Variants in LRCH1 observed in about 807,000 individuals in gnomAD.
The protein encoded by LRCH1 is leucine-rich repeat and calponin homology domain-containing protein 1.
LRCH1 carries 23 observed loss-of-function variants against 94.9 expected under a neutral mutation model. The observed-to-expected ratio is 0.24, with a 90% CI of 0.17 to 0.34. The LOEUF is 0.34. LRCH1 is among the 10% of genes least tolerant of loss of function. The pLI is 1.00. For missense variants in LRCH1, 790 were observed against 945.9 expected (o/e 0.84, Z 2.16); for synonymous variants, 364 against 354.9 (o/e 1.03, Z -0.29).
chr13:46,651,448 G>C (rs2051297110), intron 2 of LRCH1, among the ~76,000 whole-genome samples: 1 of 152,040 alleles, frequency 6.6e-6, no homozygotes, highest in African/African-American at 2.4e-5. Context: ...GGGATCGCCT[G>C]TCAGGAGTTC....
chr13:46,609,256 A>G (rs536573311), intron 1 of LRCH1, among the ~76,000 whole-genome samples: 31 of 152,304 alleles, frequency 2.0e-4, no homozygotes, highest in Middle Eastern at 6.8e-3. Flanking sequence ...CCATTTTGCA[A>G]TGTTGTTCTG....
chr13:46,700,529 A>C (rs1330177446), intron 10 of LRCH1, among the ~76,000 whole-genome samples: 2 of 152,232 alleles, frequency 1.3e-5, no homozygotes, highest in African/African-American at 4.8e-5. Flanking sequence ...TCTCAATCTC[A>C]TACCTAGTGC....
intron 1 of LRCH1, among the ~76,000 whole-genome samples, chr13:46,637,442 C>T (rs1594305347): frequency 6.6e-6 from 1 of 152,244 alleles, no homozygotes; most frequent in African/African-American, 2.4e-5. Context: ...ATTGCCTACT[C>T]CATGACCTCA....
In LRCH1 at chr13:46,705,293, C is replaced by T. The variant is rs367580671; in HGVS notation, c.1516C>T (p.Pro506Ser). The change falls in exon 13 of 20, where the codon CCG becomes TCG. Residue 506 changes from proline to serine, a missense_variant. Pro to Ser is a moderately conservative substitution (Grantham distance 74). This residue lies in a region of LRCH1 where 460 missense variants were observed against 508.9 expected (regional missense o/e 0.90). Transcript: ENST00000389797. ...TGGTCAAATACAGCTGGAGACATCT[C>T]CGGTGTGTGAGGTAAGGCTGCTGGT... ...LNGQIQLETS[P>S]VCEVQSDLTL... 3.1e-6 allele frequency: 5 copies of T among 1,613,192 alleles called. No individual in the cohort carries two copies. The highest frequency in any genetic ancestry group is 4.2e-6 in the Non-Finnish European group (5 of 1,179,680).
chr13:46,660,757 T>A (rs1343431271), intron 2 of LRCH1, among the ~76,000 whole-genome samples: 1 of 152,184 alleles, frequency 6.6e-6, no homozygotes, highest in Non-Finnish European at 1.5e-5. Context: ...TGGTCTTCAA[T>A]CTTCTCTCCA....
At chr13:46,690,173 A>G (rs1870825579) in intron 7 of LRCH1, among the ~76,000 whole-genome samples, 1 of 152,174 alleles carries the variant, frequency 6.6e-6, no homozygotes, top group East Asian at 1.9e-4. Flanking sequence ...GCAGTATATT[A>G]AAAAGTGGGA....
intron 1 of LRCH1, among the ~76,000 whole-genome samples, chr13:46,584,339 C>T (rs1238498560): frequency 6.6e-6 from 1 of 152,194 alleles, no homozygotes; most frequent in Non-Finnish European, 1.5e-5. Context: ...CCAGCAGCAC[C>T]GGCATCACCT....
At chr13:46,694,591 A>AAAGC (rs1183767414) in intron 8 of LRCH1, among the ~76,000 whole-genome samples, 2 of 152,218 alleles carry the variant, frequency 1.3e-5, no homozygotes, top group African/African-American at 4.8e-5. Context: ...TGAGGGCAAA[A>AAAGC]AAGCCTCTTT....
chr13:46,643,830 A>G (rs2051188646), intron 1 of LRCH1, among the ~76,000 whole-genome samples: 1 of 152,228 alleles, frequency 6.6e-6, no homozygotes, highest in African/African-American at 2.4e-5. Context: ...ATAATCAGCA[A>G]TTCGAGCCAA....
intron 11 of LRCH1, 37 bp from the exon 12 acceptor site, chr13:46,705,031 A>C: frequency 9.0e-7 from 1 of 1,111,448 alleles, no homozygotes. Flanking sequence ...ATAAAAGTTT[A>C]ATACGTTTAC....
At chr13:46,677,040 A>G (rs1170266565) in intron 3 of LRCH1, among the ~76,000 whole-genome samples, 1 of 152,130 alleles carries the variant, frequency 6.6e-6, no homozygotes, top group African/African-American at 2.4e-5. Context: ...TTGGCCTTCC[A>G]AAGTGCTGGG....
chr13:46,676,507 A>G (rs2051675531), intron 3 of LRCH1, among the ~76,000 whole-genome samples: 1 of 152,200 alleles, frequency 6.6e-6, no homozygotes, highest in African/African-American at 2.4e-5. Flanking sequence ...ACAGTGAGTC[A>G]TACAAAATGC....
At chr13:46,665,231 T>C (rs2051499639) in intron 2 of LRCH1, among the ~76,000 whole-genome samples, 1 of 152,022 alleles carries the variant, frequency 6.6e-6, no homozygotes, top group Non-Finnish European at 1.5e-5. Context: ...TTAAGGAAAA[T>C]AACCTTTTGA....
chr13:46,723,264 G>A lies in LRCH1; in HGVS notation c.1803G>A (p.Gln601=), dbSNP rs1417284983. 3 of 1,613,924 alleles carry A rather than the reference G, an allele frequency of 1.9e-6. No individual in the cohort carries two copies. The highest frequency in any genetic ancestry group is 2.5e-6 in the Non-Finnish European group (3 of 1,179,810). ...PQRNLESIDP[Q]FTIRRKMEQM... ...GAAATTTGGAATCTATAGACCCGCA[G>A]TTTACAATCCGGAGGAAAATGGAGC... The change falls in exon 17 of 20, where the codon CAG becomes CAA. Residue 601 remains glutamine (Q), a synonymous_variant. Transcript: ENST00000389797.
intron 5 of LRCH1, among the ~76,000 whole-genome samples, chr13:46,686,964 T>TC: frequency 7.2e-6 from 1 of 139,186 alleles, no homozygotes. Context: ...TTTTTTTTTT[T>TC]TTTTTTTTTT....
chr13:46,609,824 C>T (rs769513642), intron 1 of LRCH1, among the ~76,000 whole-genome samples: 17 of 152,060 alleles, frequency 1.1e-4, no homozygotes, highest in South Asian at 2.1e-4. Flanking sequence ...AGCCTATGAG[C>T]GGGGAGGCGG....
At chr13:46,660,399 C>T (rs1003227393) in intron 2 of LRCH1, among the ~76,000 whole-genome samples, 2 of 151,422 alleles carry the variant, frequency 1.3e-5, no homozygotes, top group Non-Finnish European at 2.9e-5. Flanking sequence ...AATACATGAT[C>T]GGCCGTCTCA....
In LRCH1 at chr13:46,669,173, T is replaced by G. The variant is rs1236939868; in HGVS notation, c.579+17T>G. The G allele has an allele frequency of 1.2e-6, 2 of 1,612,204 alleles. No homozygotes were observed. The highest frequency in any genetic ancestry group is 4.5e-5 in the East Asian group (2 of 44,864). ...ATGGAGCTGGTATGTTACCGATTTTTAAGATGCTCTTTTTTGTTGGTTGAC... is the reference window on the plus strand; with the variant it reads ...ATGGAGCTGGTATGTTACCGATTTTGAAGATGCTCTTTTTTGTTGGTTGAC... On this transcript the variant is annotated intron_variant, in intron 3 of 19. Transcript: ENST00000389797.
At chr13:46,610,061 C>CT (rs2050731290) in intron 1 of LRCH1, among the ~76,000 whole-genome samples, 1 of 152,152 alleles carries the variant, frequency 6.6e-6, no homozygotes, top group African/African-American at 2.4e-5. Context: ...GGCCCTTGTA[C>CT]TGTTCATCAG....
Sources: gnomAD v4.1 joint callset for allele counts (sites outside exome capture counted in the v4.1 genomes callset) on GRCh38, gnomAD v4.1.1 for gene constraint, gnomAD v4.1.1 regional missense constraint, MANE v1.5 for transcripts, NCBI Gene and HGNC (gene_info 2026-07-23, HGNC 2026-07-21) for gene names.